The following PDSS2 variants were observed in gnomAD, a reference collection of about 807,000 sequenced individuals.
PDSS2 encodes the protein decaprenyl diphosphate synthase subunit 2.
PDSS2 carries 31 observed loss-of-function variants against 44.5 expected under a neutral mutation model. That is an observed-to-expected ratio of 0.70 (90% CI 0.52 to 0.94). The LOEUF is 0.94. Among genes scored for constraint, PDSS2 ranks in the 40% least tolerant of loss-of-function variants. The pLI is 0.00. For synonymous variants in PDSS2, 157 were observed against 180.3 expected (o/e 0.87, Z 1.03); for missense variants, 452 against 482.2 (o/e 0.94, Z 0.59).
chr6:107,427,645 G>A (rs966290222), intron 1 of PDSS2, among the ~76,000 whole-genome samples: 2 of 152,188 alleles, frequency 1.3e-5, no homozygotes, highest in African/African-American at 4.8e-5. Context: ...GTGGGAGCAG[G>A]TGGGCAGAAA....
chr6:107,220,958 T>G (rs944857325), intron 4 of PDSS2, among the ~76,000 whole-genome samples: 2 of 152,218 alleles, frequency 1.3e-5, no homozygotes, highest in Non-Finnish European at 2.9e-5. Context: ...GAAACTAGTA[T>G]GATAACCACA....
rs186743858 is a variant in PDSS2, at chr6:107,355,036, A to T, written c.297-20704T>A. Among the ~76,000 whole-genome samples the T allele has an allele frequency of 2.7e-4, 41 of 151,886 alleles. No homozygotes were observed. The East Asian group carries it at 7.2e-3, about 27-fold the overall frequency. ...CAACCTCCGCCTCCTGGGTTCAAGC[A>T]ATTCTCCTGCCTCAGCCTCCCCAGT... On this transcript the variant is annotated intron_variant, in intron 1 of 7. Transcript: ENST00000369037.
intron 7 of PDSS2, 60 bp from the exon 8 acceptor site, chr6:107,154,837 A>C: frequency 6.9e-7 from 1 of 1,445,282 alleles, no homozygotes; most frequent in Non-Finnish European, 9.7e-7. Flanking sequence ...AAGCACCACA[A>C]TTAAATTGGG....
chr6:107,170,619 C>T (rs55755869), intron 7 of PDSS2, among the ~76,000 whole-genome samples: 1 of 82,744 alleles, frequency 1.2e-5, no homozygotes, highest in African/African-American at 5.0e-5. Flanking sequence ...CCCCCCCCCC[C>T]ACTTTTTTTT....
At chr6:107,259,388 C>A (rs763669580) in intron 3 of PDSS2, among the ~76,000 whole-genome samples, 2 of 152,038 alleles carry the variant, frequency 1.3e-5, no homozygotes, top group African/African-American at 2.4e-5. Context: ...TGAGGCCAGG[C>A]GTGGTGGCTC....
Position 107,171,952 on chromosome 6 carries a change from G to A in PDSS2, c.1042-17175C>T, listed in dbSNP as rs371144600. Reference sequence around the variant, plus strand: ...TTGAAGATCGCTGTAGTCATAAACAGCACAATAAATACGAAAGGTGAATTA... The same window carrying A: ...TTGAAGATCGCTGTAGTCATAAACAACACAATAAATACGAAAGGTGAATTA... On this transcript the variant is annotated intron_variant, in intron 7 of 7. Transcript: ENST00000369037. Among the ~76,000 whole-genome samples the A allele has an allele frequency of 4.6e-5, 7 of 151,840 alleles. No homozygotes were observed. The East Asian group carries it at 7.7e-4, about 17-fold the overall frequency.
intron 1 of PDSS2, among the ~76,000 whole-genome samples, chr6:107,443,839 A>G (rs1193740932): frequency 6.6e-6 from 1 of 152,036 alleles, no homozygotes; most frequent in Non-Finnish European, 1.5e-5. Context: ...TTCTCCCTCT[A>G]TGTTTCTACA....
intron 2 of PDSS2, among the ~76,000 whole-genome samples, chr6:107,304,766 A>T (rs1416758492): frequency 6.6e-6 from 1 of 152,244 alleles, no homozygotes; most frequent in African/African-American, 2.4e-5. Flanking sequence ...AAAAGTTGAC[A>T]TACCAACTAT....
intron 1 of PDSS2, among the ~76,000 whole-genome samples, chr6:107,434,994 G>A (rs1781304450): frequency 6.6e-6 from 1 of 151,986 alleles, no homozygotes; most frequent in East Asian, 1.9e-4. Context: ...AGTTTGATTA[G>A]GGCTGGGCAC....
At chr6:107,375,180 C>A in intron 1 of PDSS2, among the ~76,000 whole-genome samples, 1 of 150,558 alleles carries the variant, frequency 6.6e-6, no homozygotes, top group African/African-American at 2.4e-5. Context: ...TTTAAGAAAC[C>A]AGAAAAAGAG....
At chr6:107,176,439 C>T (rs1204443628) in intron 7 of PDSS2, among the ~76,000 whole-genome samples, 2 of 141,044 alleles carry the variant, frequency 1.4e-5, no homozygotes, top group African/African-American at 6.2e-5. Context: ...TACACACACA[C>T]ACACACACAC....
intron 1 of PDSS2, among the ~76,000 whole-genome samples, chr6:107,432,336 G>A (rs545418336): frequency 2.5e-4 from 38 of 152,154 alleles, no homozygotes; most frequent in Middle Eastern, 3.4e-3. Context: ...ACATTCAAAA[G>A]CAAAAACATT....
chr6:107,172,891 C>T (rs909241566), intron 7 of PDSS2, among the ~76,000 whole-genome samples: 7 of 151,528 alleles, frequency 4.6e-5, no homozygotes, highest in Admixed American at 2.0e-4. Context: ...TTTGGGAGGC[C>T]GAGGCAGGCA....
chr6:107,189,040 G>A (rs915685399), intron 7 of PDSS2, among the ~76,000 whole-genome samples: 4 of 152,102 alleles, frequency 2.6e-5, no homozygotes, highest in Non-Finnish European at 5.9e-5. Context: ...CTCCTGAGTA[G>A]CCAGGACTAT....
chr6:107,246,295 A>T (rs1381807344), intron 3 of PDSS2, among the ~76,000 whole-genome samples: 1 of 152,148 alleles, frequency 6.6e-6, no homozygotes, highest in African/African-American at 2.4e-5. Context: ...GAAAACAGTA[A>T]ATGGTCTCTT....
intron 4 of PDSS2, among the ~76,000 whole-genome samples, chr6:107,236,680 C>T (rs185115709): frequency 6.6e-5 from 10 of 152,248 alleles, no homozygotes; most frequent in Non-Finnish European, 1.3e-4. Context: ...TTCCATTCAT[C>T]ATGCTATTTC....
rs1406838866 is a variant in PDSS2 at position 107,324,977 on chromosome 6, A to G, written c.431+9221T>C. On this transcript the variant is annotated intron_variant, in intron 2 of 7. Transcript: ENST00000369037. Reference sequence around the variant, plus strand: ...GTCGTCAGATGCTAATTAGTACCACATTAAAATGATAAATTATGAACTACA... The same window carrying G: ...GTCGTCAGATGCTAATTAGTACCACGTTAAAATGATAAATTATGAACTACA... Among the ~76,000 whole-genome samples the G allele has an allele frequency of 2.0e-5, 3 of 152,168 alleles. No individual in the cohort carries two copies. The East Asian group carries it at 5.8e-4, about 29-fold the overall frequency.
intron 2 of PDSS2, among the ~76,000 whole-genome samples, chr6:107,284,416 T>A (rs1208617523): frequency 2.0e-5 from 3 of 152,126 alleles, no homozygotes; most frequent in African/African-American, 7.2e-5. Flanking sequence ...ATCCCAGCAC[T>A]TCGGGAGGCC....
intron 1 of PDSS2, among the ~76,000 whole-genome samples, chr6:107,429,901 A>AAAATAT (rs1166637352): frequency 2.5e-4 from 8 of 31,826 alleles, no homozygotes; most frequent in South Asian, 2.6e-3. Flanking sequence ...AAAAAAAAAA[A>AAAATAT]ATATATATAT....
Sources: allele counts gnomAD v4.1 joint callset (sites outside exome capture counted in the v4.1 genomes callset), GRCh38; gene constraint gnomAD v4.1.1; transcripts MANE v1.5; gene names NCBI Gene and HGNC (gene_info 2026-07-23, HGNC 2026-07-21).